The following CTNNA2 variants were observed in gnomAD, a reference collection of about 807,000 sequenced individuals.
CTNNA2 encodes the protein catenin alpha-2.
Under a neutral mutation model 101.0 loss-of-function variants are expected in CTNNA2, and 42 were observed. That is an observed-to-expected ratio of 0.42 (90% CI 0.32 to 0.54). The LOEUF (loss-of-function observed/expected upper bound fraction) is 0.54, where lower values mean the gene tolerates loss of function less well. Ranked by LOEUF, CTNNA2 falls within the 20% of genes least tolerant of loss-of-function variation. CTNNA2 has a pLI of 0.14. For synonymous variants in CTNNA2, 450 were observed against 456.4 expected, an observed-to-expected ratio of 0.99 and a Z score of 0.18; for missense variants, 871 against 1,223.1, an observed-to-expected ratio of 0.71 and a Z score of 4.29.
chr2:80,051,650 T>C (rs1165564097), intron 7 of CTNNA2, among the ~76,000 whole-genome samples: 2 of 152,144 alleles, frequency 1.3e-5, no homozygotes, highest in South Asian at 4.1e-4. Context: ...CTAGTTTAGA[T>C]AATGAAGCAG....
chr2:80,618,030 C>T (rs1297565630), intron 17 of CTNNA2, among the ~76,000 whole-genome samples: 6 of 151,780 alleles, frequency 4.0e-5, no homozygotes, highest in Admixed American at 6.6e-5. Context: ...TGTGCCTGCT[C>T]TTCAATAGTG....
At chr2:79,499,005 C>G (rs1671288670) in intron 4 of CTNNA2, 1 of 152,204 alleles carries the variant, frequency 6.6e-6, no homozygotes, top group Admixed American at 6.5e-5. Flanking sequence ...GAAGACTAAT[C>G]CAACACAATC....
At chr2:80,300,552 G>A (rs748470500) in intron 7 of CTNNA2, among the ~76,000 whole-genome samples, 1 of 151,996 alleles carries the variant, frequency 6.6e-6, no homozygotes, top group Non-Finnish European at 1.5e-5. Flanking sequence ...GGAGACATTT[G>A]CATGTTGGGG....
chr2:79,868,171 A>G (rs1682288549), intron 4 of CTNNA2, among the ~76,000 whole-genome samples: 1 of 152,188 alleles, frequency 6.6e-6, no homozygotes. Context: ...GGAATGACTA[A>G]CATTGAGGAT....
intron 7 of CTNNA2, among the ~76,000 whole-genome samples, chr2:80,224,802 C>T (rs1558919547): frequency 6.6e-6 from 1 of 152,080 alleles, no homozygotes; most frequent in South Asian, 2.1e-4. Context: ...ACTATTAGGC[C>T]CTCTTCAGTC....
chr2:80,075,648 TAAAAATA>T (rs1698668137), intron 7 of CTNNA2, among the ~76,000 whole-genome samples: 13 of 86,806 alleles, frequency 1.5e-4, no homozygotes, highest in African/African-American at 6.7e-4. Context: ...ATAAATATTA[TAAAAATA>T]ATATTTATAC....
At chr2:79,214,869 T>G (rs1343163791) in intron 2 of CTNNA2, among the ~76,000 whole-genome samples, 1 of 150,176 alleles carries the variant, frequency 6.7e-6, no homozygotes, top group Non-Finnish European at 1.5e-5. Context: ...AGTTGGGGAG[T>G]TTTAAGAGGT....
At chr2:80,162,610 A>C (rs1704397985) in intron 7 of CTNNA2, 2 of 1,611,124 alleles carry the variant, frequency 1.2e-6, no homozygotes, top group Non-Finnish European at 1.7e-6. Flanking sequence ...TCCCGGCTAT[A>C]ATGTCTATCT....
chr2:80,180,070 T>C (rs1194585437), intron 7 of CTNNA2, among the ~76,000 whole-genome samples: 2 of 152,142 alleles, frequency 1.3e-5, no homozygotes, highest in Non-Finnish European at 2.9e-5. Flanking sequence ...AAAGCCAGGG[T>C]CCAGTAGTCC....
chr2:80,142,789 T>A (rs1456379920), intron 7 of CTNNA2, among the ~76,000 whole-genome samples: 1 of 152,168 alleles, frequency 6.6e-6, no homozygotes, highest in Non-Finnish European at 1.5e-5. Context: ...GGGGCTTTAC[T>A]GGCCTAACCA....
intron 7 of CTNNA2, chr2:80,304,402 T>C (rs1415942116): frequency 3.3e-5 from 5 of 152,710 alleles, no homozygotes. Flanking sequence ...TTCGCCTTCC[T>C]GCCGCCTTCC....
rs114514324 is a variant in CTNNA2, at chr2:79,582,320, A to G, written c.-6+69113A>G. Among the ~76,000 whole-genome samples, 1,032 of 152,340 alleles carry G rather than the reference A, an allele frequency of 6.8e-3. 8 individuals are homozygous for G. Among genetic ancestry groups the G allele is most frequent in the African/African-American group, 0.023 (965 of 41,578 alleles). Reference sequence around the variant, plus strand: ...TAATTTTAAATGTGTTCAAACGTACACAAGAGTAGAGAGTTGCTTATATCA... The same window carrying G: ...TAATTTTAAATGTGTTCAAACGTACGCAAGAGTAGAGAGTTGCTTATATCA... On this transcript the variant is annotated intron_variant, in intron 1 of 18. Transcript: ENST00000402739.
At chr2:80,125,296 G>A (rs182689321) in intron 7 of CTNNA2, among the ~76,000 whole-genome samples, 109 of 152,218 alleles carry the variant, frequency 7.2e-4, no homozygotes, top group Middle Eastern at 3.4e-3. Flanking sequence ...GTCCATTGCT[G>A]GCTCCACTGC....
At chr2:80,235,347 C>G (rs923191107) in intron 7 of CTNNA2, among the ~76,000 whole-genome samples, 11 of 152,152 alleles carry the variant, frequency 7.2e-5, no homozygotes, top group Non-Finnish European at 2.9e-5. Context: ...ACTAAACACT[C>G]TAGGAGATTT....
intron 7 of CTNNA2, among the ~76,000 whole-genome samples, chr2:80,045,353 ACTAT>A (rs1336397773): frequency 6.6e-6 from 1 of 152,166 alleles, no homozygotes; most frequent in Non-Finnish European, 1.5e-5. Context: ...AGTTATTTCT[ACTAT>A]CTTTTTAAAT....
At chr2:80,625,821 A>G (rs1391992661) in intron 18 of CTNNA2, among the ~76,000 whole-genome samples, 1 of 152,060 alleles carries the variant, frequency 6.6e-6, no homozygotes, top group African/African-American at 2.4e-5. Flanking sequence ...TAGATTTCGA[A>G]ATGCACTGTT....
intron 18 of CTNNA2, among the ~76,000 whole-genome samples, chr2:80,645,159 A>G (rs1420072434): frequency 6.6e-6 from 1 of 152,102 alleles, no homozygotes; most frequent in Non-Finnish European, 1.5e-5. Context: ...CCCTTTATTT[A>G]CTCATAGCAT....
chr2:79,719,507 C>A (rs1277930917), intron 2 of CTNNA2, among the ~76,000 whole-genome samples: 2 of 152,132 alleles, frequency 1.3e-5, no homozygotes, highest in African/African-American at 4.8e-5. Context: ...AATTGATATT[C>A]CCACCAACAG....
intron 7 of CTNNA2, among the ~76,000 whole-genome samples, chr2:80,075,537 T>C (rs1698621366): frequency 7.1e-6 from 1 of 140,874 alleles, no homozygotes; most frequent in African/African-American, 2.7e-5. Flanking sequence ...ATAACTGTTA[T>C]AAAAATAATA....
Sources: gnomAD v4.1 joint callset for allele counts (sites outside exome capture counted in the v4.1 genomes callset) on GRCh38, gnomAD v4.1.1 for gene constraint, MANE v1.5 for transcripts, NCBI Gene and HGNC (gene_info 2026-07-23, HGNC 2026-07-21) for gene names.